Variants in AK9 observed in about 807,000 individuals in gnomAD.
The protein encoded by AK9 is adenylate kinase 9, also known as adenylate kinase domain containing 1.
Under a neutral mutation model 239.6 loss-of-function variants are expected in AK9, and 191 were observed. The ratio of observed to expected loss-of-function variants is 0.80; its 90% confidence interval spans 0.71 to 0.90. AK9 has a LOEUF of 0.90. Among genes scored for constraint, AK9 ranks in the 40% least tolerant of loss-of-function variants. The probability of loss-of-function intolerance (pLI) is 0.00; values close to 1 mark genes in which losing one functional copy is unlikely to be tolerated. For synonymous variants in AK9, 689 were observed against 721.0 expected, an observed-to-expected ratio of 0.96 and a Z score of 0.71; for missense variants, 1,995 against 2,214.7, an observed-to-expected ratio of 0.90 and a Z score of 1.99.
At chr6:109,569,618 A>G (rs575288390) in intron 21 of AK9, among the ~76,000 whole-genome samples, 10 of 152,346 alleles carry the variant, frequency 6.6e-5, no homozygotes, top group Admixed American at 3.9e-4. Context: ...AAGTGGGCAA[A>G]GGATATGAAC....
chr6:109,665,995 T>C (rs1379320991), intron 5 of AK9, among the ~76,000 whole-genome samples: 1 of 152,184 alleles, frequency 6.6e-6, no homozygotes, highest in Non-Finnish European at 1.5e-5. Flanking sequence ...GGTGTACATG[T>C]ATATTGGAAT....
At chr6:109,592,727 T>G (rs1411217029) in intron 17 of AK9, among the ~76,000 whole-genome samples, 1 of 152,040 alleles carries the variant, frequency 6.6e-6, no homozygotes, top group African/African-American at 2.4e-5. Flanking sequence ...TTTACAGGCA[T>G]GAGCCACCGT....
intron 10 of AK9, among the ~76,000 whole-genome samples, chr6:109,641,256 C>A (rs560079972): frequency 1.3e-5 from 2 of 149,594 alleles, no homozygotes; most frequent in Admixed American, 1.3e-4. Context: ...GCAGCCTTAA[C>A]CTCCTGGGCT....
chr6:109,536,785 C>T (rs1364266967), intron 27 of AK9, among the ~76,000 whole-genome samples: 1 of 152,078 alleles, frequency 6.6e-6, no homozygotes, highest in Non-Finnish European at 1.5e-5. Flanking sequence ...CCCATCAATA[C>T]CTAATTTATT....
intron 12 of AK9, among the ~76,000 whole-genome samples, chr6:109,630,206 C>G (rs1367906926): frequency 6.6e-6 from 1 of 151,238 alleles, no homozygotes; most frequent in African/African-American, 2.4e-5. Flanking sequence ...CATCAAATAC[C>G]CAGAGGTCTG....
chr6:109,683,516 A>C (rs563755925), intron 1 of AK9, among the ~76,000 whole-genome samples: 2 of 152,314 alleles, frequency 1.3e-5, no homozygotes, highest in African/African-American at 4.8e-5. Flanking sequence ...TCTCAGCCCA[A>C]AATCTCCTTA....
chr6:109,564,364 G>A, intron 22 of AK9, 84 bp from the exon 23 acceptor site: 2 of 1,079,686 alleles, frequency 1.9e-6, no homozygotes, highest in Non-Finnish European at 2.6e-6. Flanking sequence ...CTTATACTTT[G>A]CAATTTTTTT....
At chr6:109,597,539 G>A (rs1791208418) in intron 17 of AK9, among the ~76,000 whole-genome samples, 1 of 152,050 alleles carries the variant, frequency 6.6e-6, no homozygotes, top group African/African-American at 2.4e-5. Context: ...CAGGTGTGGT[G>A]GCGGGCGCCT....
At chr6:109,567,601 GA>G (rs1395897978) in intron 21 of AK9, among the ~76,000 whole-genome samples, 12 of 151,778 alleles carry the variant, frequency 7.9e-5, no homozygotes, top group Admixed American at 3.3e-4. Flanking sequence ...GATGAAGCTG[GA>G]AACCATCATT....
chr6:109,600,247 G>A (rs554125692), intron 17 of AK9, among the ~76,000 whole-genome samples: 36 of 150,412 alleles, frequency 2.4e-4, no homozygotes, highest in Non-Finnish European at 4.0e-4. Context: ...TTTGAGATAC[G>A]TCCCATCAAT....
intron 10 of AK9, among the ~76,000 whole-genome samples, chr6:109,634,391 C>A (rs1796471037): frequency 6.6e-6 from 1 of 152,194 alleles, no homozygotes; most frequent in Admixed American, 6.5e-5. Flanking sequence ...ACCAAATGAA[C>A]TTATTTTCTT....
At chr6:109,627,938 C>A (rs1166153879) in intron 12 of AK9, among the ~76,000 whole-genome samples, 2 of 152,190 alleles carry the variant, frequency 1.3e-5, no homozygotes, top group Non-Finnish European at 2.9e-5. Context: ...GCCACTGCAA[C>A]CGGCCTGAAC....
At chr6:109,508,492 C>A (rs1778344030) in intron 33 of AK9, among the ~76,000 whole-genome samples, 1 of 152,140 alleles carries the variant, frequency 6.6e-6, no homozygotes, top group Admixed American at 6.5e-5. Flanking sequence ...AGCTGCTCCC[C>A]AGTAAATGAA....
chr6:109,541,526 T>C (rs1782883035), intron 27 of AK9, among the ~76,000 whole-genome samples: 1 of 152,222 alleles, frequency 6.6e-6, no homozygotes, highest in African/African-American at 2.4e-5. Flanking sequence ...TTCTCCTGCC[T>C]AAGCCTCCGG....
intron 13 of AK9, among the ~76,000 whole-genome samples, chr6:109,618,442 A>AAC (rs1316330841): frequency 8.1e-6 from 1 of 122,944 alleles, no homozygotes; most frequent in African/African-American, 2.9e-5. Flanking sequence ...AAAAAAAAAC[A>AAC]AAACGCTTTT....
chr6:109,517,237 C>T (rs967601803), intron 29 of AK9, among the ~76,000 whole-genome samples: 5 of 152,144 alleles, frequency 3.3e-5, no homozygotes, highest in African/African-American at 1.2e-4. Context: ...TATCTCTACA[C>T]CCTATTTTGT....
At chr6:109,584,203 A>G (rs950823835) in intron 19 of AK9, among the ~76,000 whole-genome samples, 1 of 152,158 alleles carries the variant, frequency 6.6e-6, no homozygotes, top group Admixed American at 6.5e-5. Flanking sequence ...TCTGGCACAC[A>G]TATCAGTTAA....
chr6:109,681,679 T>C (rs1056228634), intron 1 of AK9, among the ~76,000 whole-genome samples: 6 of 152,160 alleles, frequency 3.9e-5, no homozygotes, highest in African/African-American at 1.4e-4. Flanking sequence ...ATTCTAAAAT[T>C]GACCACATAA....
chr6:109,571,314 G>A (rs1341274266), intron 21 of AK9, among the ~76,000 whole-genome samples: 3 of 152,146 alleles, frequency 2.0e-5, no homozygotes, highest in Non-Finnish European at 2.9e-5. Context: ...ATTCAACAAT[G>A]TGGAGAAGTT....
Sources: allele counts gnomAD v4.1 joint callset (sites outside exome capture counted in the v4.1 genomes callset), GRCh38; gene constraint gnomAD v4.1.1; transcripts MANE v1.5; gene names NCBI Gene and HGNC (gene_info 2026-07-23, HGNC 2026-07-21).